ABCC3: variants seen among roughly 807,000 people sequenced by gnomAD.
ABCC3 encodes the protein ATP-binding cassette sub-family C member 3.
ABCC3 carries 121 observed loss-of-function variants against 165.3 expected under a neutral mutation model. The observed-to-expected ratio is 0.73, with a 90% CI of 0.63 to 0.85. The LOEUF is 0.85. Among genes scored for constraint, ABCC3 ranks in the 40% least tolerant of loss-of-function variants. ABCC3 has a pLI of 0.00. For missense variants in ABCC3, 1,869 were observed against 1,964.1 expected, an observed-to-expected ratio of 0.95 and a Z score of 0.92; for synonymous variants, 733 against 810.1, an observed-to-expected ratio of 0.90 and a Z score of 1.62.
At chr17:50,649,846 C>T (rs866622255) in intron 1 of ABCC3, among the ~76,000 whole-genome samples, 2 of 152,174 alleles carry the variant, frequency 1.3e-5, no homozygotes, top group East Asian at 1.9e-4. Context: ...TAAATGACTT[C>T]GGAGGCATAT....
Position 50,675,662 on chromosome 17 carries a change from G to A in ABCC3, c.2746G>A (p.Gly916Arg), listed in dbSNP as rs1413789551. 1 of 1,572,430 alleles carries A rather than the reference G, an allele frequency of 6.4e-7. No individual in the cohort carries two copies. The highest frequency in any genetic ancestry group is 8.6e-7 in the Non-Finnish European group (1 of 1,158,874). ...GAGTGCCCTGTCCTCAGATGGGGAG[G>A]GACAGGGTCGGCCTGTACCCCGGAG... Reference protein sequence around the residue: ...QLSALSSDGEGQGRPVPRRHL... With the variant: ...QLSALSSDGERQGRPVPRRHL... Residue 916 changes from glycine (G) to arginine (R), a missense_variant, in exon 21 of 31, where the codon GGA becomes AGA. Coordinates refer to ENST00000285238, the MANE Select transcript of ABCC3 (RefSeq NM_003786.4).
At chr17:50,659,577 G>C (rs1334338555) in intron 7 of ABCC3, among the ~76,000 whole-genome samples, 1 of 152,184 alleles carries the variant, frequency 6.6e-6, no homozygotes. Flanking sequence ...CAGGAGAATG[G>C]CTGGCACTTT....
intron 6 of ABCC3, 27 bp downstream of exon 6, chr17:50,658,523 C>G: frequency 6.2e-7 from 1 of 1,605,034 alleles, no homozygotes; most frequent in Non-Finnish European, 8.5e-7. Flanking sequence ...ACCAGCCAGG[C>G]CAGAGGGAGG....
At chr17:50,667,802 G>T in intron 12 of ABCC3, 45 bp downstream of exon 12, 5 of 1,613,664 alleles carry the variant, frequency 3.1e-6, no homozygotes, top group Non-Finnish European at 4.2e-6. Flanking sequence ...AGGGCTCTGG[G>T]TGCCCAGGCA....
At position 50,688,593 on chromosome 17, in the gene ABCC3, G is replaced by C. The variant is rs530464086; in HGVS notation, c.4475+863G>C. On this transcript the variant is annotated intron_variant, in intron 30 of 30. Coordinates refer to ENST00000285238, the MANE Select transcript of ABCC3 (RefSeq NM_003786.4). ...GAAAATGATGCTTCGTGGGATTGTC[G>C]TAGTCAATGAGGGCTGGGCACAGTG... is the stretch of plus-strand genomic sequence containing the variant. 2.2e-3 allele frequency: 339 copies of C among 152,292 alleles called. 1 individual carries two copies. Among genetic ancestry groups the C allele is most frequent in the Middle Eastern group, 0.017 (5 of 294 alleles). The allele number at this position is 152,292 out of a possible 1,614,324, so 9.4% of individuals were successfully genotyped here. A position where few individuals can be genotyped will look rare whatever the true frequency, so the allele number is the denominator to read the frequency against.
intron 17 of ABCC3, 68 bp from the exon 18 acceptor site, chr17:50,672,903 C>G: frequency 2.1e-6 from 3 of 1,417,638 alleles, no homozygotes; most frequent in South Asian, 1.3e-5. Context: ...TCCCAAATAA[C>G]AGTGGACAGG....
chr17:50,664,105 C>T lies in ABCC3; in HGVS notation c.1332C>T (p.Leu444=), dbSNP rs770024934. The T allele has an allele frequency of 1.9e-6, 3 of 1,614,184 alleles. No individual in the cohort carries two copies. Among genetic ancestry groups the T allele is most frequent in the Non-Finnish European group, 2.5e-6 (3 of 1,180,020 alleles). The change falls in exon 10 of 31, where the codon CTC becomes CTT. Residue 444 remains leucine, a synonymous_variant. Transcript: ENST00000285238. ...PLQIILAIYF[L]WQNLGPSVLA... is the part of the protein sequence containing the mutation. ...AGATCATCCTGGCGATCTACTTCCT[C>T]TGGCAGGTGACTCTCCAACCCTGAC...
intron 29 of ABCC3, among the ~76,000 whole-genome samples, chr17:50,686,779 C>G (rs756878163): frequency 2.0e-5 from 3 of 152,174 alleles, no homozygotes; most frequent in Non-Finnish European, 2.9e-5. Flanking sequence ...GCGGCTTATT[C>G]TGCTGCCAAA....
At position 50,634,886 on chromosome 17, in the gene ABCC3, C is replaced by A. The variant is rs1460292398; in HGVS notation, c.-51C>A. ...AGGCGGCTCCGGCGCCCGCTCTGCC[C>A]GCCGCTGGGTCCGACCGCGCTCGCC... On this transcript the variant is annotated 5_prime_UTR_variant, in exon 1 of 31. Transcript: ENST00000285238. The A allele has an allele frequency of 8.1e-7, 1 of 1,242,202 alleles. No homozygotes were observed. The highest frequency in any genetic ancestry group is 1.0e-6 in the Non-Finnish European group (1 of 992,618). 76.9% of individuals were successfully genotyped at this position (1,242,202 alleles called of 1,614,324 possible). A position where few individuals can be genotyped will look rare whatever the true frequency, so the allele number is the denominator to read the frequency against.
chr17:50,662,312 G>A (rs1967408342), intron 8 of ABCC3: 1 of 152,574 alleles, frequency 6.6e-6, no homozygotes, highest in African/African-American at 2.4e-5. Flanking sequence ...GGTGGGAGGA[G>A]GAGGCTGGGT....
intron 1 of ABCC3, among the ~76,000 whole-genome samples, chr17:50,641,759 A>G (rs1966896889): frequency 1.3e-5 from 2 of 152,172 alleles, no homozygotes; most frequent in African/African-American, 2.4e-5. Context: ...AACAAGAATC[A>G]TAAAGGCCAG....
chr17:50,664,590 C>T (rs1229919953), intron 10 of ABCC3: 2 of 198,958 alleles, frequency 1.0e-5, no homozygotes, highest in Non-Finnish European at 1.0e-5. Flanking sequence ...GTAGTCACAG[C>T]TACTCAGGAG....
chr17:50,644,982 C>T (rs759272715), intron 1 of ABCC3, among the ~76,000 whole-genome samples: 1 of 152,196 alleles, frequency 6.6e-6, no homozygotes, highest in Non-Finnish European at 1.5e-5. Context: ...CACGCCACTG[C>T]ACTCCAGCCT....
In ABCC3 at chr17:50,683,592, A is replaced by T. The variant is rs1390984522; in HGVS notation, c.3808-18A>T. 1 of 1,542,072 alleles carries T rather than the reference A, an allele frequency of 6.5e-7. No homozygotes were observed. The highest frequency in any genetic ancestry group is 8.7e-7 in the Non-Finnish European group (1 of 1,145,884). The stretch of plus-strand genomic sequence containing the variant: ...TTCACTGGGCAGCTGATGTGACCCC[A>T]TCTGCCCCTCCTGCCAGGCGCCCTG... On this transcript the variant is annotated intron_variant, in intron 26 of 30. Coordinates refer to ENST00000285238, the MANE Select transcript of ABCC3 (RefSeq NM_003786.4).
intron 1 of ABCC3, among the ~76,000 whole-genome samples, chr17:50,643,102 A>G (rs1306689116): frequency 1.3e-5 from 2 of 152,254 alleles, no homozygotes; most frequent in Non-Finnish European, 2.9e-5. Context: ...GCTGCCAGGG[A>G]AAAGCAAGGA....
rs185569691 is a variant in ABCC3, at chr17:50,640,035, A to G, written c.45+5054A>G. ...CACCTCAGCCTCCTAAAGTGCTGGG[A>G]TTACAGGCGTGAGCCACCGCATTCA... On this transcript the variant is annotated intron_variant, in intron 1 of 30. Transcript: ENST00000285238. Among the ~76,000 whole-genome samples the G allele has an allele frequency of 4.6e-4, 70 of 152,286 alleles. 1 individual carries two copies. The East Asian group carries it at 8.7e-3, about 19-fold the overall frequency.
In ABCC3 at chr17:50,667,542, C is replaced by A. The variant is rs1296080056; in HGVS notation, c.1432-12C>A. 2 of 1,600,626 alleles carry A rather than the reference C, an allele frequency of 1.2e-6. No individual in the cohort carries two copies. The highest frequency in any genetic ancestry group is 8.5e-7 in the Non-Finnish European group (1 of 1,170,088). ...AGCAGGTGTGCCACTGACACTCTTT[C>A]TGCCTGCACAGGTAAAGCAAATGAA... On this transcript the variant is annotated splice_polypyrimidine_tract_variant and intron_variant, in intron 11 of 30. Coordinates refer to ENST00000285238, the MANE Select transcript of ABCC3 (RefSeq NM_003786.4).
In ABCC3 at chr17:50,667,668, G is replaced by A. The variant is rs145930090; in HGVS notation, c.1546G>A (p.Gly516Ser). 2.5e-6 allele frequency: 4 copies of A among 1,614,044 alleles called. No homozygotes were observed. Among genetic ancestry groups the A allele is most frequent in the African/African-American group, 1.3e-5 (1 of 74,918 alleles). ...WEPSFLKQVE[G>S]IRQGELQLLR... The stretch of plus-strand genomic sequence containing the variant: ...GCCCAGCTTCCTGAAGCAGGTGGAG[G>A]GCATCAGGCAGGGTGAGCTCCAGCT... The change falls in exon 12 of 31, where the codon GGC (glycine) becomes AGC (serine). Residue 516 changes from glycine (G) to serine (S), a missense_variant. Physicochemically the swap from Gly to Ser is moderately conservative, Grantham distance 56. Coordinates refer to ENST00000285238, the MANE Select transcript of ABCC3 (RefSeq NM_003786.4).
chr17:50,677,699 G>A, intron 23 of ABCC3, 45 bp from the exon 24 acceptor site: 1 of 1,569,412 alleles, frequency 6.4e-7, no homozygotes, highest in Non-Finnish European at 8.7e-7. Context: ...GGACTGAGTT[G>A]GGGGTTCCAT....
Sources: allele counts gnomAD v4.1 joint callset (sites outside exome capture counted in the v4.1 genomes callset), GRCh38; gene constraint gnomAD v4.1.1; transcripts MANE v1.5; gene names NCBI Gene and HGNC (gene_info 2026-07-23, HGNC 2026-07-21).